Variants in SMCHD1 observed in about 807,000 individuals in gnomAD.
SMCHD1 encodes structural maintenance of chromosomes flexible hinge domain containing 1.
SMCHD1 carries 78 observed loss-of-function variants against 254.7 expected under a neutral mutation model. The ratio of observed to expected loss-of-function variants is 0.31; its 90% confidence interval spans 0.26 to 0.37. SMCHD1 has a LOEUF of 0.37. Among genes scored for constraint, SMCHD1 ranks in the 10% least tolerant of loss-of-function variants. SMCHD1 has a pLI of 1.00. For synonymous variants in SMCHD1, 766 were observed against 794.9 expected, an observed-to-expected ratio of 0.96 and a Z score of 0.61; for missense variants, 1,840 against 2,408.1, an observed-to-expected ratio of 0.76 and a Z score of 4.94.
chr18:2,764,537 A>G (rs746845856), intron 37 of SMCHD1, among the ~76,000 whole-genome samples: 8 of 152,166 alleles, frequency 5.3e-5, no homozygotes, highest in Non-Finnish European at 1.0e-4. Context: ...GCTTTCTTCT[A>G]TGTATAGTCA....
chr18:2,710,909 A>G (rs2074651439), intron 17 of SMCHD1, among the ~76,000 whole-genome samples: 1 of 149,226 alleles, frequency 6.7e-6, no homozygotes, highest in East Asian at 2.0e-4. Context: ...TTTTCTCTGC[A>G]TCAGTCCAGA....
chr18:2,698,092 C>T (rs2074321714), intron 10 of SMCHD1, 51 bp downstream of exon 10: 4 of 1,404,132 alleles, frequency 2.8e-6, no homozygotes, highest in Non-Finnish European at 3.9e-6. Context: ...TAATTTAGGA[C>T]AGTGATTTGT....
intron 15 of SMCHD1, among the ~76,000 whole-genome samples, chr18:2,706,785 A>G (rs1259584700): frequency 6.6e-6 from 1 of 152,236 alleles, no homozygotes; most frequent in African/African-American, 2.4e-5. Flanking sequence ...CTGAGAGGTA[A>G]AGATGAGTGT....
intron 5 of SMCHD1, among the ~76,000 whole-genome samples, chr18:2,684,172 T>C (rs2073989659): frequency 6.6e-6 from 1 of 152,096 alleles, no homozygotes; most frequent in Non-Finnish European, 1.5e-5. Flanking sequence ...ATACAAAATC[T>C]GAAGAAAATT....
At chr18:2,727,634 A>G (rs1177747966) in intron 22 of SMCHD1, among the ~76,000 whole-genome samples, 1 of 152,082 alleles carries the variant, frequency 6.6e-6, no homozygotes, top group Admixed American at 6.6e-5. Context: ...GCTACTTACT[A>G]GCCTTGTGAC....
intron 5 of SMCHD1, among the ~76,000 whole-genome samples, chr18:2,675,686 A>G (rs1035086370): frequency 6.6e-6 from 1 of 152,200 alleles, no homozygotes; most frequent in Non-Finnish European, 1.5e-5. Context: ...AGGATTTAGC[A>G]TATCACAGAA....
In SMCHD1 at chr18:2,718,703, C is replaced by T. The variant is rs62084230; in HGVS notation, c.2458+269C>T. On this transcript the variant is annotated intron_variant, in intron 19 of 47. Transcript: ENST00000320876. The surrounding 1 kb of genome is among the most constrained non-coding windows in gnomAD (Gnocchi z 4.6). The stretch of plus-strand genomic sequence containing the variant: ...CCCGAGTAGCTGGGATTACAGGCGC[C>T]CGCCACCACACCTGGCTTTTTGTAT... Among the ~76,000 whole-genome samples the T allele has an allele frequency of 0.19, 29,418 of 151,700 alleles. 3,065 individuals carry two copies. The highest frequency in any genetic ancestry group is 0.27 in the South Asian group (1,303 of 4,812).
intron 1 of SMCHD1, among the ~76,000 whole-genome samples, chr18:2,662,129 G>A (rs1403634867): frequency 1.5e-5 from 2 of 136,016 alleles, no homozygotes; most frequent in Non-Finnish European, 3.1e-5. Flanking sequence ...ACTGCAGTCC[G>A]CAGTCCGGCC....
chr18:2,709,232 G>C (rs371492519), intron 17 of SMCHD1, among the ~76,000 whole-genome samples: 3 of 79,654 alleles, frequency 3.8e-5, no homozygotes, highest in African/African-American at 1.0e-4. Flanking sequence ...GTGTATATGT[G>C]TATATATATA....
intron 5 of SMCHD1, among the ~76,000 whole-genome samples, chr18:2,687,274 A>G (rs73936788): frequency 0.03 from 4,554 of 152,306 alleles, 235 homozygotes; most frequent in African/African-American, 0.1. Context: ...GACCTCTTGT[A>G]TGTTAGATTG....
At chr18:2,670,521 A>T (rs190272629) in intron 3 of SMCHD1, among the ~76,000 whole-genome samples, 5 of 152,226 alleles carry the variant, frequency 3.3e-5, no homozygotes, top group East Asian at 3.9e-4. Context: ...ATATTCCTCC[A>T]TTAGAATGTT....
chr18:2,752,668 T>A, intron 34 of SMCHD1, 116 bp downstream of exon 34: 1 of 660,628 alleles, frequency 1.5e-6, no homozygotes, highest in Non-Finnish European at 2.5e-6. Flanking sequence ...ATAGAAATGT[T>A]AGTGTCTCTA....
At chr18:2,706,292 A>G in intron 14 of SMCHD1, 72 bp from the exon 15 acceptor site, 2 of 1,004,754 alleles carry the variant, frequency 2.0e-6, no homozygotes, top group South Asian at 1.6e-5. Flanking sequence ...GAAGAAACAA[A>G]TGGGTGTTTG....
chr18:2,715,451 A>T (rs2160820), intron 17 of SMCHD1, among the ~76,000 whole-genome samples: 80,244 of 147,850 alleles, frequency 0.54, 21,880 homozygotes, highest in East Asian at 0.81. Flanking sequence ...GTTCTTTTTT[A>T]AAAAAACAAA....
At chr18:2,798,310 A>G (rs1360355837) in intron 47 of SMCHD1, among the ~76,000 whole-genome samples, 3 of 152,314 alleles carry the variant, frequency 2.0e-5, no homozygotes, top group Middle Eastern at 3.4e-3. Flanking sequence ...TGATGTGTTC[A>G]TGGGCATGAG....
chr18:2,668,470 TA>T (rs1299513989), intron 3 of SMCHD1, among the ~76,000 whole-genome samples: 1 of 152,220 alleles, frequency 6.6e-6, no homozygotes, highest in Non-Finnish European at 1.5e-5. Flanking sequence ...GCTACACTAC[TA>T]GTGAGTAGTG....
At chr18:2,771,458 C>A (rs545828724) in intron 39 of SMCHD1, 75 bp from the exon 40 acceptor site, 16 of 1,118,718 alleles carry the variant, frequency 1.4e-5, no homozygotes, top group Middle Eastern at 2.2e-4. Context: ...ACAAAAGGAA[C>A]TTTAAAATAT....
chr18:2,702,935 C>T (rs1489712619), intron 12 of SMCHD1, among the ~76,000 whole-genome samples: 1 of 152,058 alleles, frequency 6.6e-6, no homozygotes, highest in Non-Finnish European at 1.5e-5. Context: ...TCCTCATTGC[C>T]CTAGAGGCAG....
chr18:2,681,857 A>C (rs2073937501), intron 5 of SMCHD1, among the ~76,000 whole-genome samples: 1 of 152,200 alleles, frequency 6.6e-6, no homozygotes, highest in Non-Finnish European at 1.5e-5. Context: ...ATTTTGTTGA[A>C]ATATGAATAA....
Sources: allele counts gnomAD v4.1 joint callset (sites outside exome capture counted in the v4.1 genomes callset), GRCh38; gene constraint gnomAD v4.1.1; non-coding constraint Gnocchi (gnomAD v3.1); transcripts MANE v1.5; gene names NCBI Gene and HGNC (gene_info 2026-07-23, HGNC 2026-07-21).